PLCE1: variants seen among roughly 807,000 people sequenced by gnomAD.
PLCE1 encodes the protein phospholipase C epsilon 1.
PLCE1 carries 119 observed loss-of-function variants against 242.8 expected under a neutral mutation model. The observed-to-expected ratio is 0.49, with a 90% CI of 0.42 to 0.57. The LOEUF is 0.57. Among genes scored for constraint, PLCE1 ranks in the 20% least tolerant of loss-of-function variants. PLCE1 has a pLI of 0.00. For missense variants in PLCE1, 2,441 were observed against 2,788.8 expected (o/e 0.88, Z 2.81); for synonymous variants, 945 against 1,017.4 (o/e 0.93, Z 1.35).
intron 4 of PLCE1, among the ~76,000 whole-genome samples, chr10:94,180,270 A>G (rs2048271564): frequency 6.6e-6 from 1 of 152,188 alleles, no homozygotes. Flanking sequence ...AAAAATGTTG[A>G]CCTGTTTGTT....
In PLCE1 at chr10:94,298,812, G is replaced by A; in HGVS notation, c.5458+143G>A. 7 of 879,256 alleles carry A rather than the reference G, an allele frequency of 8.0e-6. No homozygotes were observed. Among genetic ancestry groups the A allele is most frequent in the South Asian group, 1.4e-5 (1 of 71,140 alleles). 54.5% of individuals were successfully genotyped at this position (879,256 alleles called of 1,614,324 possible). A position where few individuals can be genotyped will look rare whatever the true frequency, so the allele number is the denominator to read the frequency against. The stretch of plus-strand genomic sequence containing the variant: ...AAAAATATGATGATGGAAAACAGAA[G>A]TGAATTTGATACTGAATTGTGCCTC... On this transcript the variant is annotated intron_variant, in intron 24 of 32. Coordinates refer to ENST00000371380, the MANE Select transcript of PLCE1 (RefSeq NM_016341.4). This position sits in a 1 kb window ranked among gnomAD's most constrained non-coding sequence, Gnocchi z 5.2.
chr10:94,198,213 G>C (rs1479294705), intron 4 of PLCE1, among the ~76,000 whole-genome samples: 1 of 152,122 alleles, frequency 6.6e-6, no homozygotes, highest in Admixed American at 6.6e-5. Context: ...TCAGCACTTA[G>C]GGTTCCCACT....
At chr10:94,018,042 A>G (rs2061311608) in intron 1 of PLCE1, among the ~76,000 whole-genome samples, 1 of 152,146 alleles carries the variant, frequency 6.6e-6, no homozygotes, top group Non-Finnish European at 1.5e-5. Flanking sequence ...CGAGTTTTTA[A>G]TTCTTTTGAA....
intron 29 of PLCE1, among the ~76,000 whole-genome samples, chr10:94,319,864 C>CCTTT (rs1215283955): frequency 1.1e-5 from 1 of 92,914 alleles, no homozygotes; most frequent in African/African-American, 3.7e-5. Context: ...CAAAGGTGCT[C>CCTTT]TTTTTTTTTT....
chr10:94,177,944 G>C (rs2048176327), intron 4 of PLCE1, among the ~76,000 whole-genome samples: 1 of 152,194 alleles, frequency 6.6e-6, no homozygotes, highest in Admixed American at 6.5e-5. Flanking sequence ...CGTGGAGTGA[G>C]GGGGAGGATC....
At position 94,091,484 on chromosome 10, in the gene PLCE1, G is replaced by C. The variant is rs549266140; in HGVS notation, c.1207-40690G>C. The stretch of plus-strand genomic sequence containing the variant: ...GTGTGAGGAGTAGATTGAGAGGGGA[G>C]AGAAAGATAACTATAGTTCATTATA... On this transcript the variant is annotated intron_variant, in intron 2 of 32. Transcript: ENST00000371380. 2.0e-5 allele frequency among the ~76,000 whole-genome samples: 3 copies of C among 152,276 alleles called. No individual in the cohort carries two copies. In the South Asian group the frequency reaches 6.2e-4, roughly 32 times the overall value.
At chr10:94,212,546 A>G (rs568552347) in intron 4 of PLCE1, among the ~76,000 whole-genome samples, 17 of 152,194 alleles carry the variant, frequency 1.1e-4, no homozygotes, top group East Asian at 1.9e-4. Flanking sequence ...ATGAGCCACC[A>G]CGCCCAGCCA....
At chr10:94,293,362 T>C (rs2052703940) in intron 22 of PLCE1, 146 bp from the exon 23 acceptor site, 1 of 839,082 alleles carries the variant, frequency 1.2e-6, no homozygotes, top group East Asian at 2.7e-5. Context: ...ATGCTATTAT[T>C]AACAGAACAA....
chr10:94,274,858 T>C (rs1176649341), intron 19 of PLCE1, among the ~76,000 whole-genome samples: 1 of 152,136 alleles, frequency 6.6e-6, no homozygotes, highest in African/African-American at 2.4e-5. Context: ...TGATGGGCCT[T>C]GTTACAAAGT....
At chr10:94,183,181 G>A (rs1202636098) in intron 4 of PLCE1, among the ~76,000 whole-genome samples, 1 of 152,180 alleles carries the variant, frequency 6.6e-6, no homozygotes, top group Admixed American at 6.5e-5. Flanking sequence ...TACTGCACAT[G>A]TGAGAGCCAA....
At chr10:94,021,116 C>A (rs554977907) in intron 1 of PLCE1, among the ~76,000 whole-genome samples, 1 of 152,252 alleles carries the variant, frequency 6.6e-6, no homozygotes, top group East Asian at 1.9e-4. Context: ...CAGGCATGAG[C>A]CACTGCGCCT....
chr10:94,257,742 C>T (rs892868248), intron 11 of PLCE1, among the ~76,000 whole-genome samples: 1 of 151,916 alleles, frequency 6.6e-6, no homozygotes, highest in Non-Finnish European at 1.5e-5. Context: ...GGACACAGGG[C>T]GGGGAATATC....
At chr10:94,236,835 C>T (rs2050340127) in intron 7 of PLCE1, among the ~76,000 whole-genome samples, 2 of 151,982 alleles carry the variant, frequency 1.3e-5, no homozygotes, top group East Asian at 3.9e-4. Context: ...CCTCTCAGAG[C>T]CATTTAAGTT....
rs144058085 is a variant in PLCE1 at position 94,201,499 on chromosome 10, G to T, written c.1810-25807G>T. 6.6e-5 allele frequency among the ~76,000 whole-genome samples: 10 copies of T among 152,180 alleles called. No individual in the cohort carries two copies. In the South Asian group the frequency reaches 1.7e-3, roughly 25 times the overall value. ...GATGAAGTTTTTAATTTTTTTGAGC[G>T]GAGTCTTGCTCTGTCACCCAGGCTG... On this transcript the variant is annotated intron_variant, in intron 4 of 32. Coordinates refer to ENST00000371380, the MANE Select transcript of PLCE1 (RefSeq NM_016341.4).
intron 2 of PLCE1, among the ~76,000 whole-genome samples, chr10:94,042,897 A>G (rs1186959141): frequency 6.6e-6 from 1 of 152,210 alleles, no homozygotes; most frequent in African/African-American, 2.4e-5. Flanking sequence ...ATGCTGAGAT[A>G]CCCAAAAATA....
chr10:94,327,280 A>G (rs1564902676), intron 32 of PLCE1, among the ~76,000 whole-genome samples: 1 of 152,036 alleles, frequency 6.6e-6, no homozygotes, highest in Non-Finnish European at 1.5e-5. Flanking sequence ...AAAAGAAAAG[A>G]AGAGCTCATA....
intron 2 of PLCE1, among the ~76,000 whole-genome samples, chr10:94,110,333 A>T (rs1416930079): frequency 6.6e-6 from 1 of 152,070 alleles, no homozygotes; most frequent in East Asian, 1.9e-4. Flanking sequence ...AAGTGCTGGG[A>T]TTACAGCTGT....
At chr10:94,203,314 T>C (rs1015542887) in intron 4 of PLCE1, among the ~76,000 whole-genome samples, 2 of 152,208 alleles carry the variant, frequency 1.3e-5, no homozygotes, top group African/African-American at 4.8e-5. Flanking sequence ...CCTGAATATT[T>C]ATCCAAGTTA....
At chr10:94,097,069 C>A (rs2045343156) in intron 2 of PLCE1, among the ~76,000 whole-genome samples, 1 of 152,150 alleles carries the variant, frequency 6.6e-6, no homozygotes, top group Admixed American at 6.5e-5. Context: ...TACCCCTCTC[C>A]TTTAACTGAT....
Sources: allele counts gnomAD v4.1 joint callset (sites outside exome capture counted in the v4.1 genomes callset), GRCh38; gene constraint gnomAD v4.1.1; non-coding constraint Gnocchi (gnomAD v3.1); transcripts MANE v1.5; gene names NCBI Gene and HGNC (gene_info 2026-07-23, HGNC 2026-07-21).